SYN3: variants seen among roughly 807,000 people sequenced by gnomAD.
SYN3 encodes the protein synapsin III, also known as synapsin-3.
In SYN3, 35 loss-of-function variants were observed where a neutral mutation model predicts 65.8. The observed-to-expected ratio is 0.53, with a 90% confidence interval of 0.41 to 0.70. The LOEUF is 0.70. Among genes scored for constraint, SYN3 ranks in the 30% least tolerant of loss-of-function variants. SYN3 has a pLI of 0.00. For synonymous variants in SYN3, 270 were observed against 292.9 expected, an observed-to-expected ratio of 0.92 and a Z score of 0.80; for missense variants, 680 against 749.0, an observed-to-expected ratio of 0.91 and a Z score of 1.08.
At chr22:32,550,352 G>C (rs2058393728) in intron 7 of SYN3, among the ~76,000 whole-genome samples, 1 of 116,178 alleles carries the variant, frequency 8.6e-6, no homozygotes, top group Admixed American at 9.9e-5. Context: ...TCTATAATTT[G>C]TTTAACCACA....
chr22:32,907,928 G>A (rs1013315919), intron 4 of SYN3, among the ~76,000 whole-genome samples: 14 of 152,056 alleles, frequency 9.2e-5, no homozygotes, highest in African/African-American at 3.4e-4. Flanking sequence ...TTTATTCCTT[G>A]CAACCTCCCT....
At chr22:32,864,802 G>A (rs941129849) in intron 6 of SYN3, 113 bp downstream of exon 6, 12 of 930,076 alleles carry the variant, frequency 1.3e-5, no homozygotes, top group Non-Finnish European at 1.7e-5. Flanking sequence ...TAGAGTCTGC[G>A]TGGTCAGTGT....
intron 6 of SYN3, among the ~76,000 whole-genome samples, chr22:32,795,003 C>T (rs529747069): frequency 4.6e-5 from 7 of 152,190 alleles, no homozygotes; most frequent in African/African-American, 1.7e-4. Context: ...AAGAACAGAG[C>T]CTGCTGTTGT....
intron 1 of SYN3, among the ~76,000 whole-genome samples, chr22:33,023,371 C>A (rs1601921668): frequency 6.6e-6 from 1 of 152,206 alleles, no homozygotes; most frequent in East Asian, 1.9e-4. Context: ...CTTGCACACA[C>A]TTTCTTGCCT....
chr22:32,959,289 A>C (rs2051568326), intron 3 of SYN3, among the ~76,000 whole-genome samples: 1 of 151,936 alleles, frequency 6.6e-6, no homozygotes, highest in African/African-American at 2.4e-5. Flanking sequence ...CTTGCCTTCC[A>C]TCATGATTGT....
intron 2 of SYN3, among the ~76,000 whole-genome samples, chr22:32,988,197 C>T (rs2052586782): frequency 1.3e-5 from 2 of 151,908 alleles, no homozygotes; most frequent in Non-Finnish European, 2.9e-5. Context: ...ATCCCAGCTA[C>T]TTGGGAGGCT....
chr22:32,684,106 C>T (rs1396800744), intron 6 of SYN3, among the ~76,000 whole-genome samples: 1 of 152,192 alleles, frequency 6.6e-6, no homozygotes, highest in Non-Finnish European at 1.5e-5. Flanking sequence ...AGTGGTTAAT[C>T]AGAGTGCTGC....
At chr22:32,713,374 G>A (rs191527184) in intron 6 of SYN3, among the ~76,000 whole-genome samples, 28 of 152,284 alleles carry the variant, frequency 1.8e-4, no homozygotes, top group Admixed American at 8.5e-4. Context: ...TAGTTCCTCC[G>A]TGGTCAGGTA....
At position 32,585,430 on chromosome 22, in the gene SYN3, T is replaced by G. The variant is rs143373225; in HGVS notation, c.774+11244A>C. On this transcript the variant is annotated intron_variant, in intron 7 of 13. Coordinates refer to ENST00000358763, the MANE Select transcript of SYN3 (RefSeq NM_003490.4). Reference sequence around the variant, plus strand: ...GAAGCTTTAGACTTTCTAATGCACTTTTATTCACTAGCTCTCCCAAGTGAT... The same window carrying G: ...GAAGCTTTAGACTTTCTAATGCACTGTTATTCACTAGCTCTCCCAAGTGAT... Among the ~76,000 whole-genome samples, 164 of 152,328 alleles carry G rather than the reference T, an allele frequency of 1.1e-3. 2 individuals are homozygous for G. The South Asian group carries it at 0.015, about 14-fold the overall frequency.
intron 6 of SYN3, among the ~76,000 whole-genome samples, chr22:32,736,489 G>A (rs979612362): frequency 4.6e-5 from 7 of 152,020 alleles, no homozygotes; most frequent in Non-Finnish European, 1.0e-4. Flanking sequence ...CCAACATTGT[G>A]GATTCATGTC....
At chr22:33,053,750 G>T (rs531092535) in intron 1 of SYN3, among the ~76,000 whole-genome samples, 1 of 152,208 alleles carries the variant, frequency 6.6e-6, no homozygotes, top group African/African-American at 2.4e-5. Flanking sequence ...CCCAAACCAG[G>T]GATAGATGCC....
Position 32,572,243 on chromosome 22 carries a change from C to CTCCTTCCTTCCTTCCT in SYN3, c.774+24430_774+24431insAGGAAGGAAGGAAGGA, listed in dbSNP as rs796725900. On this transcript the variant is annotated intron_variant, in intron 7 of 13. Coordinates refer to ENST00000358763, the MANE Select transcript of SYN3 (RefSeq NM_003490.4). The stretch of plus-strand genomic sequence containing the variant: ...TTCTGCCCCTGGAGTCAGATTCTGG[C>CTCCTTCCTTCCTTCCT]TCCTTCCTTCCTTTCCTTCCTTCCT... 8.4e-4 allele frequency among the ~76,000 whole-genome samples: 94 copies of CTCCTTCCTTCCTTCCT among 112,254 alleles called. 1 individual carries two copies. The highest frequency in any genetic ancestry group is 1.4e-3 in the African/African-American group (37 of 26,320). The allele number at this position is 112,254 out of a possible 152,430, so 73.6% of individuals were successfully genotyped here.
intron 6 of SYN3, chr22:32,859,641 C>G (rs2048480127): frequency 1.9e-6 from 1 of 514,722 alleles, no homozygotes; most frequent in African/African-American, 1.9e-5. Flanking sequence ...AATGAGGAAC[C>G]TGTATTCCTC....
intron 6 of SYN3, among the ~76,000 whole-genome samples, chr22:32,614,608 A>C (rs2059489677): frequency 6.6e-6 from 1 of 152,190 alleles, no homozygotes; most frequent in South Asian, 2.1e-4. Context: ...CATCACACAA[A>C]GGAGGAAACT....
chr22:32,717,937 C>T (rs1457591199), intron 6 of SYN3, among the ~76,000 whole-genome samples: 2 of 152,162 alleles, frequency 1.3e-5, no homozygotes, highest in African/African-American at 2.4e-5. Flanking sequence ...TGCATGTATC[C>T]ATGTGGGTTC....
intron 6 of SYN3, among the ~76,000 whole-genome samples, chr22:32,653,493 T>C (rs2060101308): frequency 6.6e-6 from 1 of 152,038 alleles, no homozygotes; most frequent in Admixed American, 6.5e-5. Flanking sequence ...AAGAAAAAAA[T>C]GCTAGGGCTT....
chr22:32,753,984 T>A (rs2045218889), intron 6 of SYN3, among the ~76,000 whole-genome samples: 1 of 152,226 alleles, frequency 6.6e-6, no homozygotes, highest in Admixed American at 6.5e-5. Flanking sequence ...CACACAGGCT[T>A]GTCTGACTCC....
chr22:32,794,226 C>T (rs775172726), intron 6 of SYN3, among the ~76,000 whole-genome samples: 5 of 152,216 alleles, frequency 3.3e-5, no homozygotes, highest in African/African-American at 4.8e-5. Flanking sequence ...TCTGAATCTA[C>T]ACACACCACA....
At chr22:33,041,679 C>T (rs2053967346) in intron 1 of SYN3, among the ~76,000 whole-genome samples, 1 of 152,152 alleles carries the variant, frequency 6.6e-6, no homozygotes, top group African/African-American at 2.4e-5. Context: ...GACACTTATC[C>T]TCTTACCTGC....
Sources: allele counts gnomAD v4.1 joint callset (sites outside exome capture counted in the v4.1 genomes callset), GRCh38; gene constraint gnomAD v4.1.1; transcripts MANE v1.5; gene names NCBI Gene and HGNC (gene_info 2026-07-23, HGNC 2026-07-21).